Variants in FXR1 observed in about 807,000 individuals in gnomAD.
FXR1 encodes the protein FMR1 autosomal homolog 1.
Under a neutral mutation model 84.0 loss-of-function variants are expected in FXR1, and 15 were observed. The observed-to-expected ratio is 0.18, with a 90% CI of 0.12 to 0.27. The LOEUF (loss-of-function observed/expected upper bound fraction) is 0.27. Ranked by LOEUF, FXR1 falls within the 10% of genes least tolerant of loss-of-function variation. The probability of loss-of-function intolerance (pLI) is 1.00; values close to 1 mark genes in which losing one functional copy is unlikely to be tolerated. For missense variants in FXR1, 480 were observed against 774.4 expected, an observed-to-expected ratio of 0.62 and a Z score of 4.51; for synonymous variants, 245 against 250.7, an observed-to-expected ratio of 0.98 and a Z score of 0.21.
chr3:180,972,716 C>T (rs1240911048), intron 15 of FXR1, among the ~76,000 whole-genome samples: 1 of 152,166 alleles, frequency 6.6e-6, no homozygotes, highest in Non-Finnish European at 1.5e-5. Context: ...TTGGAGGCTT[C>T]AACAGTTTGA....
intron 10 of FXR1, among the ~76,000 whole-genome samples, chr3:180,960,820 T>C (rs1213489778): frequency 2.0e-5 from 3 of 152,328 alleles, no homozygotes; most frequent in East Asian, 3.9e-4. Context: ...TTAAATTAAT[T>C]ATAAATCAGA....
rs567138765 is a variant in FXR1 at position 180,944,804 on chromosome 3, A to G, written c.199-3061A>G. ...TGCCTGGCTAACTTTTGTATTTTGC[A>G]TAGTGATGGTGTTTCACCATGTTGT... On this transcript the variant is annotated intron_variant, in intron 3 of 16. Transcript: ENST00000357559. Among the ~76,000 whole-genome samples the G allele has an allele frequency of 2.8e-3, 424 of 152,236 alleles. 4 individuals carry two copies. The highest frequency in any genetic ancestry group is 0.025 in the South Asian group (123 of 4,824).
intron 1 of FXR1, among the ~76,000 whole-genome samples, chr3:180,919,663 A>G (rs1017193600): frequency 2.7e-5 from 4 of 149,648 alleles, no homozygotes; most frequent in Non-Finnish European, 5.9e-5. Flanking sequence ...AATATTATCT[A>G]TTTCTTTTCA....
intron 3 of FXR1, among the ~76,000 whole-genome samples, chr3:180,939,801 C>G (rs928896221): frequency 6.6e-6 from 1 of 152,090 alleles, no homozygotes; most frequent in Non-Finnish European, 1.5e-5. Flanking sequence ...TTCTGCAGCT[C>G]TAGGAATCCT....
chr3:180,916,475 T>C (rs1212421117), intron 1 of FXR1, among the ~76,000 whole-genome samples: 1 of 152,228 alleles, frequency 6.6e-6, no homozygotes, highest in Non-Finnish European at 1.5e-5. Context: ...TGGTGCGATC[T>C]CGGCTCACTG....
At chr3:180,916,140 T>A (rs1468409311) in intron 1 of FXR1, among the ~76,000 whole-genome samples, 1 of 152,196 alleles carries the variant, frequency 6.6e-6, no homozygotes, top group Admixed American at 6.5e-5. Context: ...ATTTAAGGTG[T>A]CTTGAAAAAG....
In FXR1 at chr3:180,941,178, A is replaced by AT. The variant is rs112424019; in HGVS notation, c.198+5960dup. Among the ~76,000 whole-genome samples the AT allele has an allele frequency of 2.8e-3, 409 of 144,958 alleles. 3 individuals are homozygous for AT. The highest frequency in any genetic ancestry group is 0.011 in the Middle Eastern group (3 of 280). ...ACTCCTTTCTTTTACAACTTTTTAG[A>AT]TTTTTTTTTTTTTCCAAATTTTATT... On this transcript the variant is annotated intron_variant, in intron 3 of 16. Coordinates refer to ENST00000357559, the MANE Select transcript of FXR1 (RefSeq NM_005087.4).
rs1442221775 is a variant in FXR1 at position 180,971,180 on chromosome 3, C to T, written c.1603+822C>T. On this transcript the variant is annotated intron_variant, in intron 15 of 16. Coordinates refer to ENST00000357559, the MANE Select transcript of FXR1 (RefSeq NM_005087.4). The stretch of plus-strand genomic sequence containing the variant: ...GGTAACTTGAGTGGACCTGTGGACA[C>T]CATCAGGTCACAAGCATGAAAAAAA... 4 of 951,246 alleles carry T rather than the reference C, an allele frequency of 4.2e-6. No individual in the cohort carries two copies. The East Asian group carries it at 1.9e-4, about 45-fold the overall frequency. The allele number at this position is 951,246 out of a possible 1,614,324, so 58.9% of individuals were successfully genotyped here.
chr3:180,926,105 T>C (rs147138665), intron 1 of FXR1, among the ~76,000 whole-genome samples: 23 of 152,322 alleles, frequency 1.5e-4, no homozygotes, highest in African/African-American at 5.5e-4. Context: ...CTTTTTTCTT[T>C]TTTTAACACA....
At chr3:180,931,887 C>T (rs1350906089) in intron 1 of FXR1, among the ~76,000 whole-genome samples, 4 of 151,224 alleles carry the variant, frequency 2.6e-5, no homozygotes, top group African/African-American at 7.3e-5. Context: ...ACCACAGACA[C>T]GCCACCAGGC....
At chr3:180,937,917 A>G (rs1171014134) in intron 3 of FXR1, among the ~76,000 whole-genome samples, 3 of 152,226 alleles carry the variant, frequency 2.0e-5, no homozygotes, top group Non-Finnish European at 4.4e-5. Context: ...AATCTCATTT[A>G]CCAGAGTTGA....
At chr3:180,934,582 C>A (rs959898398) in intron 2 of FXR1, among the ~76,000 whole-genome samples, 1 of 152,060 alleles carries the variant, frequency 6.6e-6, no homozygotes, top group Non-Finnish European at 1.5e-5. Flanking sequence ...ATAAATGGAA[C>A]GTGAGAAAAT....
chr3:180,932,674 G>A lies in FXR1; in HGVS notation c.52-660G>A, dbSNP rs115974243. 7.5e-3 allele frequency among the ~76,000 whole-genome samples: 1,142 copies of A among 152,210 alleles called. 19 individuals are homozygous for A. Among genetic ancestry groups the A allele is most frequent in the African/African-American group, 0.026 (1,100 of 41,536 alleles). On this transcript the variant is annotated intron_variant, in intron 1 of 16. Coordinates refer to ENST00000357559, the MANE Select transcript of FXR1 (RefSeq NM_005087.4). ...TCATTCCAACATAATCGTGAACAGT[G>A]TACTCACTATAGCCCAATTTTCTTT...
chr3:180,930,894 G>A (rs3774050), intron 1 of FXR1, among the ~76,000 whole-genome samples: 37,573 of 151,418 alleles, frequency 0.25, 6,154 homozygotes, highest in African/African-American at 0.45. Flanking sequence ...AAAATTAGCT[G>A]GGTGTGGTGG....
intron 3 of FXR1, among the ~76,000 whole-genome samples, chr3:180,944,592 G>T (rs1721496480): frequency 6.6e-6 from 1 of 152,076 alleles, no homozygotes; most frequent in African/African-American, 2.4e-5. Flanking sequence ...CTCCAAAAGT[G>T]CTGGGATTAC....
At chr3:180,928,440 A>AC (rs2108436817) in intron 1 of FXR1, among the ~76,000 whole-genome samples, 1 of 126,468 alleles carries the variant, frequency 7.9e-6, no homozygotes, top group African/African-American at 3.0e-5. Flanking sequence ...AGGTCCCCCC[A>AC]CCCCAAACAC....
In FXR1 at chr3:180,936,507, ATCCGCCCACC is replaced by A. The variant is rs566972862; in HGVS notation, c.198+1278_198+1287del. Among the ~76,000 whole-genome samples, 13 of 152,158 alleles carry A rather than the reference ATCCGCCCACC, an allele frequency of 8.5e-5. No individual in the cohort carries two copies. In the East Asian group the frequency reaches 1.6e-3, roughly 18 times the overall value. ...GGTCTTGAACTCCTGACCTCAGGTG[ATCCGCCCACC>A]TTGGCCTCCCAAAGTTCTGGGATTA... is the stretch of plus-strand genomic sequence containing the variant. On this transcript the variant is annotated intron_variant, in intron 3 of 16. Coordinates refer to ENST00000357559, the MANE Select transcript of FXR1 (RefSeq NM_005087.4).
chr3:180,947,582 T>G (rs1331678662), intron 3 of FXR1, among the ~76,000 whole-genome samples: 1 of 152,234 alleles, frequency 6.6e-6, no homozygotes, highest in Non-Finnish European at 1.5e-5. Flanking sequence ...TATTTAAAAC[T>G]CCTTTGTAAG....
chr3:180,979,393 C>T lies in FXR1; in HGVS notation c.*3101C>T, dbSNP rs545187391. The T allele has an allele frequency of 2.6e-4, 39 of 152,182 alleles. No homozygotes were observed. The highest frequency in any genetic ancestry group is 9.4e-4 in the African/African-American group (39 of 41,544). 9.4% of individuals were successfully genotyped at this position (152,182 alleles called of 1,614,324 possible). On this transcript the variant is annotated 3_prime_UTR_variant, in exon 17 of 17. Transcript: ENST00000357559. ...TTTTCTTCTGTAAAGTTTCAAGGAA[C>T]TTGGATTTGAACTGTGAATCTACTG...
Sources: gnomAD v4.1 joint callset for allele counts (sites outside exome capture counted in the v4.1 genomes callset) on GRCh38, gnomAD v4.1.1 for gene constraint, MANE v1.5 for transcripts, NCBI Gene and HGNC (gene_info 2026-07-23, HGNC 2026-07-21) for gene names.